Variants in TF observed in about 807,000 individuals in gnomAD.
The protein encoded by TF is serotransferrin.
In TF, 55 loss-of-function variants were observed where a neutral mutation model predicts 82.4. The observed-to-expected ratio is 0.67, with a 90% confidence interval of 0.54 to 0.84. The LOEUF (loss-of-function observed/expected upper bound fraction) is 0.84, where lower values mean the gene tolerates loss of function less well. TF is among the 40% of genes least tolerant of loss of function. The pLI is 0.00. For synonymous variants in TF, 332 were observed against 332.6 expected, an observed-to-expected ratio of 1.00 and a Z score of 0.02; for missense variants, 737 against 868.4, an observed-to-expected ratio of 0.85 and a Z score of 1.90.
chr3:133,727,665 A>C, the TF span, among the ~76,000 whole-genome samples: 2 of 118,262 alleles, frequency 1.7e-5, no homozygotes, highest in East Asian at 2.6e-4. Context: ...ATTTAAAGTT[A>C]ATATTGTTAT....
At chr3:133,765,631 G>C (rs559054088) in intron 11 of TF, among the ~76,000 whole-genome samples, 1 of 152,312 alleles carries the variant, frequency 6.6e-6, no homozygotes, top group Non-Finnish European at 1.5e-5. Flanking sequence ...CCCTTCAGCA[G>C]ATATAGAAAA....
intron 10 of TF, 110 bp from the exon 11 acceptor site, chr3:133,764,765 A>G: frequency 9.3e-7 from 1 of 1,077,296 alleles, no homozygotes; most frequent in Non-Finnish European, 1.4e-6. Context: ...ACATGTATAG[A>G]TAATTTTCTC....
At chr3:133,776,917 A>T in intron 15 of TF, 132 bp from the exon 16 acceptor site, 2 of 816,150 alleles carry the variant, frequency 2.5e-6, no homozygotes, top group Non-Finnish European at 4.0e-6. Flanking sequence ...GGAGGTGGAA[A>T]ATTCCCAAGA....
intron 14 of TF, chr3:133,774,939 G>GGT (rs1934349055): frequency 2.6e-6 from 1 of 388,098 alleles, no homozygotes; most frequent in Admixed American, 3.5e-5. Flanking sequence ...GTATCACACA[G>GGT]GTGTGTGCAC....
chr3:133,746,501 G>A lies in TF; in HGVS notation c.43+18G>A, dbSNP rs1212962047. ...CGTCCTGGGTGAGTGCGGGCACGGG[G>A]TAGCACCGCAGAGTCGCTGGCCCGC... On this transcript the variant is annotated intron_variant, in intron 1 of 16. Coordinates refer to ENST00000402696, the MANE Select transcript of TF (RefSeq NM_001063.4). 9 of 1,592,304 alleles carry A rather than the reference G, an allele frequency of 5.7e-6. No individual in the cohort carries two copies. The highest frequency in any genetic ancestry group is 2.7e-5 in the African/African-American group (2 of 74,574).
chr3:133,716,227 T>C, the TF span, among the ~76,000 whole-genome samples: 2 of 152,148 alleles, frequency 1.3e-5, no homozygotes, highest in Admixed American at 6.5e-5. Flanking sequence ...AAATTTAACA[T>C]TCTAGTTCTG....
At chr3:133,755,527 C>G in intron 5 of TF, 32 bp downstream of exon 5, 1 of 1,613,236 alleles carries the variant, frequency 6.2e-7, no homozygotes, top group Non-Finnish European at 8.5e-7. Context: ...CCATGGTGGC[C>G]AAAGTGCCAA....
At chr3:133,730,927 A>G in the TF span, among the ~76,000 whole-genome samples, 3 of 152,198 alleles carry the variant, frequency 2.0e-5, no homozygotes, top group African/African-American at 7.2e-5. Context: ...TAAATTGTAC[A>G]TGTATACACT....
Position 133,775,527 on chromosome 3 carries a change from G to T in TF, c.1782G>T (p.Ala594=), listed in dbSNP as rs778400078. The T allele has an allele frequency of 3.7e-6, 6 of 1,614,032 alleles. No homozygotes were observed. In the East Asian group the frequency reaches 1.3e-4, roughly 36 times the overall value. ...DGTRKPVEEY[A]NCHLARAPNH... is the part of the protein sequence containing the mutation. ...CCAGGAAACCTGTGGAGGAGTATGC[G>T]AACTGCCACCTGGCCAGAGCCCCGA... Residue 594 remains alanine, a synonymous_variant, in exon 15 of 17, where the codon GCG becomes GCT. Transcript: ENST00000402696.
At chr3:133,774,768 G>A in intron 14 of TF, 1 of 183,542 alleles carries the variant, frequency 5.4e-6, no homozygotes, top group South Asian at 1.1e-4. Context: ...TAAAAAGGTT[G>A]CAATTCTGAA....
At chr3:133,738,754 A>G in the TF span, among the ~76,000 whole-genome samples, 9 of 152,194 alleles carry the variant, frequency 5.9e-5, no homozygotes, top group African/African-American at 2.2e-4. Flanking sequence ...TACAACTTAC[A>G]AGGGATGTGA....
chr3:133,662,678 C>CA, the TF span, among the ~76,000 whole-genome samples: 149,746 of 152,286 alleles, frequency 0.98, 73,630 homozygotes, highest in South Asian at 1. Flanking sequence ...GATGGGCCTG[C>CA]AAACCTTAGT....
the TF span, among the ~76,000 whole-genome samples, chr3:133,692,475 G>A: frequency 6.6e-6 from 1 of 152,198 alleles, no homozygotes; most frequent in African/African-American, 2.4e-5. Flanking sequence ...CGATGGCTGG[G>A]TGCTGAAGCG....
chr3:133,777,394 G>T lies in TF; in HGVS notation c.2062+156G>T, dbSNP rs1052992944. ...TGAACAATCTAAGCCCGGCATGTAT[G>T]ACAGGCTAGACTGTAGGGGCAGATA... On this transcript the variant is annotated intron_variant, in intron 16 of 16. Coordinates refer to ENST00000402696, the MANE Select transcript of TF (RefSeq NM_001063.4). The T allele has an allele frequency of 2.6e-5, 18 of 700,068 alleles. No individual in the cohort carries two copies. In the African/African-American group the frequency reaches 3.0e-4, roughly 12 times the overall value. 43.4% of individuals were successfully genotyped at this position (700,068 alleles called of 1,614,324 possible). A position where few individuals can be genotyped will look rare whatever the true frequency, so the allele number is the denominator to read the frequency against.
chr3:133,772,767 A>G (rs575864918), intron 14 of TF: 1 of 152,298 alleles, frequency 6.6e-6, no homozygotes, highest in Admixed American at 6.5e-5. Context: ...CATGATTTTT[A>G]AGAGCCAAAG....
upstream of TF, among the ~76,000 whole-genome samples, chr3:133,743,184 A>C (rs1933426457): frequency 6.6e-6 from 1 of 152,206 alleles, no homozygotes; most frequent in South Asian, 2.1e-4. Context: ...CACATGTGAT[A>C]AATGGAGGTA....
intron 4 of TF, 26 bp downstream of exon 4, chr3:133,754,697 C>G: frequency 1.9e-6 from 3 of 1,613,334 alleles, no homozygotes; most frequent in Non-Finnish European, 2.5e-6. Flanking sequence ...TCTGGGTGCC[C>G]TCGAGCAGCT....
upstream of TF, chr3:133,745,950 C>A (rs1800249): frequency 0.031 from 5,825 of 190,970 alleles, 133 homozygotes; most frequent in Middle Eastern, 0.072. Flanking sequence ...CATCCTCCCC[C>A]AAAAGGGGCT....
chr3:133,726,675 T>C, the TF span, among the ~76,000 whole-genome samples: 3 of 152,116 alleles, frequency 2.0e-5, no homozygotes, highest in Non-Finnish European at 2.9e-5. Context: ...TGCTCTGATT[T>C]TAGTTATTTC....
Sources: gnomAD v4.1 joint callset for allele counts (sites outside exome capture counted in the v4.1 genomes callset) on GRCh38, gnomAD v4.1.1 for gene constraint, MANE v1.5 for transcripts, NCBI Gene and HGNC (gene_info 2026-07-23, HGNC 2026-07-21) for gene names.